EBF3: variants seen among roughly 807,000 people sequenced by gnomAD.
The protein encoded by EBF3 is EBF transcription factor 3.
EBF3 carries 18 observed loss-of-function variants against 77.1 expected under a neutral mutation model. That is an observed-to-expected ratio of 0.23 (90% confidence interval 0.16 to 0.35). The LOEUF (loss-of-function observed/expected upper bound fraction) is 0.35, where lower values mean the gene tolerates loss of function less well. EBF3 is among the 10% of genes least tolerant of loss of function. The pLI, the probability that EBF3 is intolerant of heterozygous loss-of-function variation, is 1.00. For missense variants in EBF3, 558 were observed against 860.0 expected, an observed-to-expected ratio of 0.65 and a Z score of 4.39; for synonymous variants, 350 against 343.5, an observed-to-expected ratio of 1.02 and a Z score of -0.21.
chr10:129,954,422 CT>C (rs1014479332), intron 6 of EBF3, among the ~76,000 whole-genome samples: 19 of 145,006 alleles, frequency 1.3e-4, no homozygotes, highest in Non-Finnish European at 2.4e-4. Context: ...TCCCCCCCCC[CT>C]TTTTTTTTCT....
chr10:129,865,475 G>A (rs552022370), intron 10 of EBF3, among the ~76,000 whole-genome samples: 1 of 152,188 alleles, frequency 6.6e-6, no homozygotes. Flanking sequence ...CACCTCCCCT[G>A]TGGTCTTCTG....
chr10:129,962,083 GA>G, intron 4 of EBF3, 87 bp downstream of exon 4: 1 of 1,224,192 alleles, frequency 8.2e-7, no homozygotes, highest in Non-Finnish European at 1.2e-6. Flanking sequence ...AAATACACGA[GA>G]TCCATTTGTC....
rs74587431 is a variant in EBF3 at position 129,899,673 on chromosome 10, C to T, written c.555-21824G>A. Among the ~76,000 whole-genome samples the T allele has an allele frequency of 3.0e-4, 46 of 152,212 alleles. 1 individual carries two copies. The East Asian group carries it at 8.7e-3, about 29-fold the overall frequency. On this transcript the variant is annotated intron_variant, in intron 6 of 16. Transcript: ENST00000440978. The stretch of plus-strand genomic sequence containing the variant: ...AACTCCTCCACAGGTGAGGACACAC[C>T]AGGGGCCACACTCGCAGAACCGGAA...
intron 6 of EBF3, among the ~76,000 whole-genome samples, chr10:129,945,108 A>G (rs1384721729): frequency 3.9e-4 from 5 of 12,812 alleles, no homozygotes; most frequent in Admixed American, 9.2e-4. Flanking sequence ...GGGGAGGGGA[A>G]GGGGGGGGAG....
rs1219828313 is a variant in EBF3, at chr10:129,947,888, AAG to A, written c.554+9368_554+9369del. Among the ~76,000 whole-genome samples, 2 of 152,162 alleles carry A rather than the reference AAG, an allele frequency of 1.3e-5. No individual in the cohort carries two copies. The highest frequency in any genetic ancestry group is 2.9e-5 in the Non-Finnish European group (2 of 68,032). ...AAGAAGAAAAAAAAAATTATATTCA[AAG>A]AGAGTATTATCGGTGAGCTAAAAAG... On this transcript the variant is annotated intron_variant, in intron 6 of 16. Transcript: ENST00000440978. The surrounding 1 kb of genome is among the most constrained non-coding windows in gnomAD (Gnocchi z 4.5).
At chr10:129,934,756 C>T (rs775230655) in intron 6 of EBF3, among the ~76,000 whole-genome samples, 4 of 152,134 alleles carry the variant, frequency 2.6e-5, no homozygotes, top group Non-Finnish European at 5.9e-5. Context: ...GTGACAGGCA[C>T]GATTTCCACA....
At chr10:129,923,046 TA>T (rs1856421739) in intron 6 of EBF3, among the ~76,000 whole-genome samples, 1 of 152,168 alleles carries the variant, frequency 6.6e-6, no homozygotes. Context: ...GGGTGAGGGG[TA>T]ACCCGAATAT....
rs1858328485 is a variant in EBF3, at chr10:129,947,666, C to A, written c.554+9592G>T. On this transcript the variant is annotated intron_variant, in intron 6 of 16. Coordinates refer to ENST00000440978, the MANE Select transcript of EBF3 (RefSeq NM_001375380.1). This position sits in a 1 kb window ranked among gnomAD's most constrained non-coding sequence, Gnocchi z 4.5. ...TAAAATGTTTTCATTTCTTTCTTTG[C>A]AAAGGAACCAAATGCTTTGAAAAAA... Among the ~76,000 whole-genome samples, 2 of 145,974 alleles carry A rather than the reference C, an allele frequency of 1.4e-5. No homozygotes were observed. The highest frequency in any genetic ancestry group is 5.1e-5 in the African/African-American group (2 of 39,462).
intron 10 of EBF3, among the ~76,000 whole-genome samples, 162 bp downstream of exon 10, chr10:129,866,979 G>A (rs1852062389): frequency 6.6e-6 from 1 of 152,226 alleles, no homozygotes; most frequent in Non-Finnish European, 1.5e-5. Flanking sequence ...ACAAAGATGT[G>A]GAAACTGCAT....
intron 6 of EBF3, among the ~76,000 whole-genome samples, chr10:129,911,871 C>A (rs1226437604): frequency 6.6e-6 from 1 of 152,194 alleles, no homozygotes; most frequent in Non-Finnish European, 1.5e-5. Context: ...GCTTTGCCAA[C>A]AAAGGAACAA....
Position 129,870,763 on chromosome 10 carries a change from G to A in EBF3, c.781+2689C>T, listed in dbSNP as rs566248751. Among the ~76,000 whole-genome samples the A allele has an allele frequency of 7.8e-4, 119 of 152,266 alleles. 1 individual carries two copies. The highest frequency in any genetic ancestry group is 2.4e-3 in the African/African-American group (101 of 41,558). ...GGAGCGTGACTCAACTTGGAAACCC[G>A]TGTTGGAGACCCATATCTTTGGGTT... On this transcript the variant is annotated intron_variant, in intron 8 of 16. Coordinates refer to ENST00000440978, the MANE Select transcript of EBF3 (RefSeq NM_001375380.1). This position sits in a 1 kb window ranked among gnomAD's most constrained non-coding sequence, Gnocchi z 4.4.
chr10:129,880,741 G>A (rs1449709074), intron 6 of EBF3, among the ~76,000 whole-genome samples: 7 of 152,202 alleles, frequency 4.6e-5, no homozygotes, highest in Non-Finnish European at 2.9e-5. Context: ...GGCATCTACA[G>A]GGACGGACAG....
intron 6 of EBF3, among the ~76,000 whole-genome samples, chr10:129,923,631 T>C (rs967155367): frequency 2.6e-5 from 4 of 152,090 alleles, no homozygotes; most frequent in African/African-American, 9.7e-5. Context: ...TAACAACATA[T>C]ACAAAAATTA....
chr10:129,919,611 C>T (rs970263149), intron 6 of EBF3, among the ~76,000 whole-genome samples: 7 of 152,188 alleles, frequency 4.6e-5, no homozygotes, highest in Non-Finnish European at 8.8e-5. Context: ...GTAAGCCTGA[C>T]TGGGGAAGTC....
chr10:129,879,232 C>T lies in EBF3; in HGVS notation c.555-1383G>A, dbSNP rs1853025919. On this transcript the variant is annotated intron_variant, in intron 6 of 16. Transcript: ENST00000440978. The surrounding 1 kb of genome is among the most constrained non-coding windows in gnomAD (Gnocchi z 4.7). ...AACCTCTGCCTCAACTTGAAAAGGC[C>T]ACAACCAAGAGGTCCCAGAGCTTGG... is the stretch of plus-strand genomic sequence containing the variant. Among the ~76,000 whole-genome samples, 1 of 152,130 alleles carries T rather than the reference C, an allele frequency of 6.6e-6. No individual in the cohort carries two copies. Among genetic ancestry groups the T allele is most frequent in the South Asian group, 2.1e-4 (1 of 4,820 alleles).
rs147930983 is a variant in EBF3, at chr10:129,841,534, C to T, written c.1373-502G>A. On this transcript the variant is annotated intron_variant, in intron 13 of 16. Transcript: ENST00000440978. This position sits in a 1 kb window ranked among gnomAD's most constrained non-coding sequence, Gnocchi z 4.6. ...CCTGCCATGGGAGCTTGTGGATGGA[C>T]GGGAACAAAATCAGCAATAGTATGG... Among the ~76,000 whole-genome samples, 6 of 152,168 alleles carry T rather than the reference C, an allele frequency of 3.9e-5. No homozygotes were observed. The highest frequency in any genetic ancestry group is 7.2e-5 in the African/African-American group (3 of 41,498).
At chr10:129,958,652 G>A (rs912234492) in intron 5 of EBF3, among the ~76,000 whole-genome samples, 1 of 152,160 alleles carries the variant, frequency 6.6e-6, no homozygotes, top group African/African-American at 2.4e-5. Flanking sequence ...CACCGCGGAC[G>A]GATGCATCAC....
chr10:129,867,289 C>CA, intron 9 of EBF3, 22 bp from the exon 10 acceptor site: 2 of 1,613,504 alleles, frequency 1.2e-6, no homozygotes, highest in Non-Finnish European at 1.7e-6. Flanking sequence ...ACACGGTGAA[C>CA]AGGCGCTCAG....
Position 129,885,199 on chromosome 10 carries a change from T to C in EBF3, c.555-7350A>G, listed in dbSNP as rs761772003. On this transcript the variant is annotated intron_variant, in intron 6 of 16. Coordinates refer to ENST00000440978, the MANE Select transcript of EBF3 (RefSeq NM_001375380.1). The surrounding 1 kb of genome is among the most constrained non-coding windows in gnomAD (Gnocchi z 4.0). ...TTTGCAATGATTCTCATTAAAATGA[T>C]GCCAAAGAGATCTGATGGGATTTAA... 3.9e-5 allele frequency among the ~76,000 whole-genome samples: 6 copies of C among 152,218 alleles called. No individual in the cohort carries two copies. Among genetic ancestry groups the C allele is most frequent in the Non-Finnish European group, 8.8e-5 (6 of 68,046 alleles).
Sources: allele counts gnomAD v4.1 joint callset (sites outside exome capture counted in the v4.1 genomes callset), GRCh38; gene constraint gnomAD v4.1.1; non-coding constraint Gnocchi (gnomAD v3.1); transcripts MANE v1.5; gene names NCBI Gene and HGNC (gene_info 2026-07-23, HGNC 2026-07-21).